The following COL18A1 variants were observed in gnomAD, a reference collection of about 807,000 sequenced individuals.
The protein encoded by COL18A1 is collagen type XVIII alpha 1 chain, also known as collagen alpha-1(XVIII) chain.
In COL18A1, 133 loss-of-function variants were observed where a neutral mutation model predicts 168.0. That is an observed-to-expected ratio of 0.79 (90% CI 0.69 to 0.91). The LOEUF is 0.91. COL18A1 is among the 40% of genes least tolerant of loss of function. The pLI is 0.00. For synonymous variants in COL18A1, 949 were observed against 809.0 expected, an observed-to-expected ratio of 1.17 and a Z score of -2.94; for missense variants, 2,126 against 1,925.4, an observed-to-expected ratio of 1.10 and a Z score of -1.95.
At position 45,486,981 on chromosome 21, in the gene COL18A1, C is replaced by G. The variant is rs757423924; in HGVS notation, c.1822C>G (p.Pro608Ala). The change falls in exon 16 of 42, where the codon CCC becomes GCC. Residue 608 changes from proline to alanine, a missense_variant. Coordinates refer to ENST00000651438, the MANE Select transcript of COL18A1 (RefSeq NM_001379500.1). ...CCCTGGGCCCCCAGGACCAGGACTC[C>G]CCGCTGGATTTGTGAGTACCGCCTA... ...GPPGPPGPGL[P>A]AGFDDMEGSG... 35 of 1,519,580 alleles carry G rather than the reference C, an allele frequency of 2.3e-5. No individual in the cohort carries two copies. In the African/African-American group the frequency reaches 4.9e-4, roughly 21 times the overall value. The allele number at this position is 1,519,580 out of a possible 1,614,324, so 94.1% of individuals were successfully genotyped here.
At position 45,495,166 on chromosome 21, in the gene COL18A1, G is replaced by T. The variant is rs2036487627; in HGVS notation, c.2434-192G>T. 4.5e-6 allele frequency: 3 copies of T among 660,830 alleles called. No homozygotes were observed. The South Asian group carries it at 5.2e-5, about 11-fold the overall frequency. The allele number at this position is 660,830 out of a possible 1,614,324, so 40.9% of individuals were successfully genotyped here. A position where few individuals can be genotyped will look rare whatever the true frequency, so the allele number is the denominator to read the frequency against. On this transcript the variant is annotated intron_variant, in intron 28 of 41. Coordinates refer to ENST00000651438, the MANE Select transcript of COL18A1 (RefSeq NM_001379500.1). ...AGTGGGCCTGTGTGTGCTAGGCTCA[G>T]TCACCTCCTCCCAAAAGGGTCCTTG...
chr21:45,504,199 G>T, intron 33 of COL18A1, 145 bp downstream of exon 33: 2 of 1,015,002 alleles, frequency 2.0e-6, no homozygotes, highest in Non-Finnish European at 3.0e-6. Flanking sequence ...GGTGTCGAGG[G>T]CGTCCCTCAG....
rs963447345 is a variant in COL18A1, at chr21:45,479,761, C to T, written c.1249-141C>T. On this transcript the variant is annotated intron_variant, in intron 9 of 41. Transcript: ENST00000651438. Reference sequence around the variant, plus strand: ...GAGACAGTCTGCTGGGCCTGGCGCCCTCGTACTTTCCGGGCCCCAGAGACT... The same window carrying T: ...GAGACAGTCTGCTGGGCCTGGCGCCTTCGTACTTTCCGGGCCCCAGAGACT... The T allele has an allele frequency of 1.3e-5, 16 of 1,231,632 alleles. No homozygotes were observed. The African/African-American group carries it at 1.7e-4, about 13-fold the overall frequency. 76.3% of individuals were successfully genotyped at this position (1,231,632 alleles called of 1,614,324 possible). A position where few individuals can be genotyped will look rare whatever the true frequency, so the allele number is the denominator to read the frequency against.
rs559872822 is a variant in COL18A1 at position 45,431,572 on chromosome 21, C to T, written c.106+26099C>T. Among the ~76,000 whole-genome samples the T allele has an allele frequency of 5.6e-3, 840 of 150,912 alleles. 15 individuals are homozygous for T. The highest frequency in any genetic ancestry group is 7.6e-3 in the Non-Finnish European group (516 of 67,600). On this transcript the variant is annotated intron_variant, in intron 2 of 41. Transcript: ENST00000651438. ...GGGGAGGGGGGCAGGCAGGACCAGG[C>T]GGCCCTGGGGGTCAGGGGTGGAGGC...
In COL18A1 at chr21:45,513,241, CA is replaced by C. The variant is rs1408800751; in HGVS notation, c.*844del. 1 of 152,366 alleles carries C rather than the reference CA, an allele frequency of 6.6e-6. No individual in the cohort carries two copies. Among genetic ancestry groups the C allele is most frequent in the Non-Finnish European group, 1.5e-5 (1 of 68,154 alleles). 9.4% of individuals were successfully genotyped at this position (152,366 alleles called of 1,614,324 possible). ...GGACGTGGCTCAGCCAGCACTTGTCCAGCTGAGCGCCAGGATGGAACACGGC... is the reference window on the plus strand; with the variant it reads ...GGACGTGGCTCAGCCAGCACTTGTCCGCTGAGCGCCAGGATGGAACACGGC... On this transcript the variant is annotated 3_prime_UTR_variant, in exon 42 of 42. Transcript: ENST00000651438.
At position 45,504,567 on chromosome 21, in the gene COL18A1, G is replaced by A. The variant is rs749791226; in HGVS notation, c.2868+11G>A. On this transcript the variant is annotated intron_variant, in intron 34 of 41. Coordinates refer to ENST00000651438, the MANE Select transcript of COL18A1 (RefSeq NM_001379500.1). Reference sequence around the variant, plus strand: ...TACCCTGGGATTCCAGTAAGTCCCAGCCTGTGCAGGCAGAGCCCATGTCCC... The same window carrying A: ...TACCCTGGGATTCCAGTAAGTCCCAACCTGTGCAGGCAGAGCCCATGTCCC... 27 of 1,565,908 alleles carry A rather than the reference G, an allele frequency of 1.7e-5. No individual in the cohort carries two copies. The highest frequency in any genetic ancestry group is 4.8e-5 in the East Asian group (2 of 42,014).
chr21:45,497,534 A>AG, intron 31 of COL18A1, 65 bp from the exon 32 acceptor site: 1 of 1,545,672 alleles, frequency 6.5e-7, no homozygotes, highest in East Asian at 2.4e-5. Context: ...TTCGGGCAGG[A>AG]GGGGCACCAC....
intron 41 of COL18A1, 97 bp downstream of exon 41, chr21:45,511,323 C>T (rs1287553666): frequency 5.6e-6 from 4 of 719,990 alleles, no homozygotes; most frequent in East Asian, 2.7e-5. Flanking sequence ...AGTTTTTGGA[C>T]AAATCTTATA....
chr21:45,445,709 G>C (rs779754309), intron 2 of COL18A1, among the ~76,000 whole-genome samples: 2 of 152,144 alleles, frequency 1.3e-5, no homozygotes, highest in Non-Finnish European at 2.9e-5. Flanking sequence ...TGATAATGTT[G>C]AACATCTTTT....
intron 2 of COL18A1, among the ~76,000 whole-genome samples, chr21:45,452,564 GAC>G (rs1424190073): frequency 2.0e-5 from 3 of 150,852 alleles, no homozygotes; most frequent in South Asian, 2.1e-4. Context: ...GCATTCATGT[GAC>G]ACATGTAAGC....
intron 2 of COL18A1, among the ~76,000 whole-genome samples, chr21:45,433,595 C>A (rs1281140676): frequency 6.6e-6 from 1 of 152,230 alleles, no homozygotes; most frequent in Non-Finnish European, 1.5e-5. Flanking sequence ...TGGGCTTGTC[C>A]TATGAGAAGA....
In COL18A1 at chr21:45,493,594, C is replaced by T. The variant is rs766904583; in HGVS notation, c.2352+19C>T. On this transcript the variant is annotated intron_variant, in intron 26 of 41. Transcript: ENST00000651438. Reference sequence around the variant, plus strand: ...AGCCAAGGTGAGGGCCGGGCAGCCTCCTTCCGGCAGGCGTGGGGGCTCCTG... The same window carrying T: ...AGCCAAGGTGAGGGCCGGGCAGCCTTCTTCCGGCAGGCGTGGGGGCTCCTG... The T allele has an allele frequency of 1.6e-5, 24 of 1,544,822 alleles. 1 individual carries two copies. Among genetic ancestry groups the T allele is most frequent in the South Asian group, 1.2e-4 (10 of 83,938 alleles).
Position 45,507,593 on chromosome 21 carries a change from G to C in COL18A1, c.3249G>C (p.Thr1083=). The change falls in exon 38 of 42, where the codon ACG becomes ACC. Residue 1083 remains threonine (T), a splice_region_variant and synonymous_variant. Coordinates refer to ENST00000651438, the MANE Select transcript of COL18A1 (RefSeq NM_001379500.1). The stretch of plus-strand genomic sequence containing the variant: ...CCCGGACACCACTCCCACGAGGGAC[G>C]GTAAGGAGCCTTTTTTCTGTTGAGA... The part of the protein sequence containing the change: ...LEARTPLPRG[T]DNEVAALQPP... 6.2e-7 allele frequency: 1 copy of C among 1,612,986 alleles called. No homozygotes were observed. The highest frequency in any genetic ancestry group is 8.5e-7 in the Non-Finnish European group (1 of 1,179,790).
At chr21:45,478,975 G>A (rs2035781343) in intron 9 of COL18A1, among the ~76,000 whole-genome samples, 1 of 152,210 alleles carries the variant, frequency 6.6e-6, no homozygotes, top group South Asian at 2.1e-4. Flanking sequence ...CGACCGCCTG[G>A]CACCCCACAG....
chr21:45,429,642 C>T (rs892133300), intron 2 of COL18A1, among the ~76,000 whole-genome samples: 4 of 152,166 alleles, frequency 2.6e-5, no homozygotes, highest in South Asian at 2.1e-4. Flanking sequence ...CATGAGCAGG[C>T]GGCAGGATCC....
intron 32 of COL18A1, among the ~76,000 whole-genome samples, chr21:45,501,758 C>T (rs879625221): frequency 2.1e-5 from 2 of 97,296 alleles, no homozygotes; most frequent in African/African-American, 7.1e-5. Flanking sequence ...CGGTCACCTC[C>T]CTCTGCAGAA....
In COL18A1 at chr21:45,408,144, TAGA is replaced by T. The variant is rs1360486016; in HGVS notation, c.106+2674_106+2676del. The T allele has an allele frequency of 2.0e-5, 3 of 152,358 alleles. No homozygotes were observed. In the East Asian group the frequency reaches 5.8e-4, roughly 29 times the overall value. The allele number at this position is 152,358 out of a possible 1,614,324, so 9.4% of individuals were successfully genotyped here. A position where few individuals can be genotyped will look rare whatever the true frequency, so the allele number is the denominator to read the frequency against. ...AGGGGAAGTCCTCTGTAGGAAAACC[TAGA>T]AGGAGTGAACTGCCCTGCTCCAGAG... On this transcript the variant is annotated intron_variant, in intron 2 of 41. Transcript: ENST00000651438.
intron 2 of COL18A1, among the ~76,000 whole-genome samples, chr21:45,405,880 C>G (rs1450374401): frequency 6.6e-6 from 1 of 151,808 alleles, no homozygotes; most frequent in East Asian, 1.9e-4. Context: ...CGGCGGAGCG[C>G]GGGGCGTCGT....
At chr21:45,439,295 G>A (rs1016892692) in intron 2 of COL18A1, among the ~76,000 whole-genome samples, 4 of 152,244 alleles carry the variant, frequency 2.6e-5, no homozygotes, top group African/African-American at 4.8e-5. Flanking sequence ...GTCCAGGGGC[G>A]CGGAGGGCGC....
Sources: allele counts gnomAD v4.1 joint callset (sites outside exome capture counted in the v4.1 genomes callset), GRCh38; gene constraint gnomAD v4.1.1; transcripts MANE v1.5; gene names NCBI Gene and HGNC (gene_info 2026-07-23, HGNC 2026-07-21).